DNAH7: variants seen among roughly 807,000 people sequenced by gnomAD.
DNAH7 encodes the protein axonemal beta dynein heavy chain 7.
Under a neutral mutation model 444.6 loss-of-function variants are expected in DNAH7, and 397 were observed. That is an observed-to-expected ratio of 0.89 (90% CI 0.82 to 0.97). The LOEUF is 0.97. Ranked by LOEUF, DNAH7 falls within the 50% of genes least tolerant of loss-of-function variation. The pLI is 0.00. For missense variants in DNAH7, 4,902 were observed against 4,800.8 expected (o/e 1.02, Z -0.62); for synonymous variants, 1,636 against 1,624.4 (o/e 1.01, Z -0.17).
At chr2:195,990,860 T>C (rs1357029319) in intron 12 of DNAH7, among the ~76,000 whole-genome samples, 1 of 144,826 alleles carries the variant, frequency 6.9e-6, no homozygotes, top group African/African-American at 2.6e-5. Context: ...TAAATATATA[T>C]ACATATATAC....
chr2:196,055,359 A>G (rs1697739163), intron 2 of DNAH7, among the ~76,000 whole-genome samples: 1 of 152,200 alleles, frequency 6.6e-6, no homozygotes, highest in Non-Finnish European at 1.5e-5. Flanking sequence ...AAAAAATTAC[A>G]AAATGGTTAA....
intron 59 of DNAH7, among the ~76,000 whole-genome samples, chr2:195,776,309 G>A (rs1355606864): frequency 1.3e-5 from 2 of 151,994 alleles, no homozygotes; most frequent in African/African-American, 4.8e-5. Flanking sequence ...CGGGTGTGGT[G>A]GCACACACCT....
chr2:196,068,519 C>T, intron 1 of DNAH7, 178 bp downstream of exon 1: 1 of 799,072 alleles, frequency 1.3e-6, no homozygotes, highest in South Asian at 2.0e-5. Flanking sequence ...GGGAAGGGAA[C>T]TTATAAGGGC....
intron 5 of DNAH7, among the ~76,000 whole-genome samples, chr2:196,031,201 G>A (rs1696035041): frequency 6.6e-6 from 1 of 152,204 alleles, no homozygotes; most frequent in Admixed American, 6.5e-5. Flanking sequence ...AAGGATTGAG[G>A]CTTGCACCCT....
chr2:195,786,892 A>G, intron 58 of DNAH7, 118 bp downstream of exon 58: 1 of 1,056,666 alleles, frequency 9.5e-7, no homozygotes, highest in East Asian at 2.6e-5. Flanking sequence ...GTTGGGAACT[A>G]CTCTCCTATT....
At chr2:195,887,526 A>G (rs1013993078) in intron 33 of DNAH7, among the ~76,000 whole-genome samples, 1 of 152,034 alleles carries the variant, frequency 6.6e-6, no homozygotes, top group African/African-American at 2.4e-5. Context: ...TAGGTAATCT[A>G]CATTAACATG....
At chr2:195,921,264 T>C (rs1416299910) in intron 24 of DNAH7, among the ~76,000 whole-genome samples, 2 of 152,082 alleles carry the variant, frequency 1.3e-5, no homozygotes, top group African/African-American at 4.8e-5. Flanking sequence ...TGCACACAAA[T>C]GTTTACAGTA....
chr2:195,802,612 TGA>T, intron 54 of DNAH7, among the ~76,000 whole-genome samples: 1 of 151,902 alleles, frequency 6.6e-6, no homozygotes, highest in Non-Finnish European at 1.5e-5. Flanking sequence ...GAGGTTGCAC[TGA>T]GAGGAGATGG....
chr2:195,753,221 CT>C lies in DNAH7; in HGVS notation c.11764+1115del, dbSNP rs558724097. 4.7e-4 allele frequency among the ~76,000 whole-genome samples: 69 copies of C among 146,162 alleles called. 1 individual carries two copies. Among genetic ancestry groups the C allele is most frequent in the South Asian group, 2.6e-3 (12 of 4,588 alleles). Reference sequence around the variant, plus strand: ...GGTGCTAAAAGCTCTCTTCAGATGGCTTTTTTTTTTCATGAAGGATAAGGTG... The same window carrying C: ...GGTGCTAAAAGCTCTCTTCAGATGGCTTTTTTTTTCATGAAGGATAAGGTG... On this transcript the variant is annotated intron_variant, in intron 63 of 64. Transcript: ENST00000312428.
chr2:195,876,189 G>C (rs1701042579), intron 37 of DNAH7, among the ~76,000 whole-genome samples: 1 of 152,160 alleles, frequency 6.6e-6, no homozygotes, highest in Admixed American at 6.5e-5. Flanking sequence ...AGGGTGAGAA[G>C]GGTGTTCTTT....
At chr2:195,855,271 AT>A (rs1182635135) in intron 45 of DNAH7, among the ~76,000 whole-genome samples, 2 of 152,264 alleles carry the variant, frequency 1.3e-5, no homozygotes, top group Non-Finnish European at 2.9e-5. Context: ...TTAGCAGTTA[AT>A]TTTTCCAAAT....
intron 49 of DNAH7, 48 bp downstream of exon 49, chr2:195,824,207 T>A (rs1187597652): frequency 6.6e-7 from 1 of 1,522,784 alleles, no homozygotes; most frequent in South Asian, 1.3e-5. Context: ...GAATATATAG[T>A]CACTAATTAC....
At chr2:195,801,248 T>C (rs1377848318) in intron 54 of DNAH7, among the ~76,000 whole-genome samples, 1 of 152,108 alleles carries the variant, frequency 6.6e-6, no homozygotes, top group African/African-American at 2.4e-5. Context: ...AATTTCAATT[T>C]CTCGTCTATT....
chr2:196,011,321 G>C (rs544815033), intron 10 of DNAH7, among the ~76,000 whole-genome samples: 1 of 152,016 alleles, frequency 6.6e-6, no homozygotes, highest in East Asian at 1.9e-4. Flanking sequence ...AAATTGATAA[G>C]ACAGGCCTAA....
chr2:195,744,157 C>A (rs896452594), intron 63 of DNAH7, among the ~76,000 whole-genome samples: 14 of 152,246 alleles, frequency 9.2e-5, no homozygotes, highest in African/African-American at 3.1e-4. Flanking sequence ...GTCACTCCCA[C>A]CCTAATACTG....
chr2:196,032,774 C>T (rs1344941216), intron 5 of DNAH7, among the ~76,000 whole-genome samples: 1 of 152,100 alleles, frequency 6.6e-6, no homozygotes, highest in African/African-American at 2.4e-5. Context: ...TTTATGAGGC[C>T]ATTAGTGGCC....
At chr2:195,930,813 A>T (rs917180868) in intron 21 of DNAH7, among the ~76,000 whole-genome samples, 8 of 152,192 alleles carry the variant, frequency 5.3e-5, no homozygotes, top group African/African-American at 1.7e-4. Context: ...AGAAAATGTG[A>T]TAAATATACA....
At chr2:195,846,842 C>G (rs2125015267) in intron 46 of DNAH7, among the ~76,000 whole-genome samples, 1 of 152,190 alleles carries the variant, frequency 6.6e-6, no homozygotes, top group Middle Eastern at 3.4e-3. Context: ...ACTCCAAGTT[C>G]TTCAGCTTTG....
intron 54 of DNAH7, among the ~76,000 whole-genome samples, chr2:195,802,097 A>G (rs1300013168): frequency 6.6e-6 from 1 of 152,276 alleles, no homozygotes; most frequent in Non-Finnish European, 1.5e-5. Flanking sequence ...AATTACAAAA[A>G]TATTAAAAAT....
Sources: allele counts gnomAD v4.1 joint callset (sites outside exome capture counted in the v4.1 genomes callset), GRCh38; gene constraint gnomAD v4.1.1; transcripts MANE v1.5; gene names NCBI Gene and HGNC (gene_info 2026-07-23, HGNC 2026-07-21).